The following TCF7L2 variants were observed in gnomAD, a reference collection of about 807,000 sequenced individuals.
TCF7L2 encodes transcription factor 7 like 2.
In TCF7L2, 23 loss-of-function variants were observed where a neutral mutation model predicts 77.9. The ratio of observed to expected loss-of-function variants is 0.30; its 90% CI spans 0.21 to 0.42. The LOEUF is 0.42. Among genes scored for constraint, TCF7L2 ranks in the 10% least tolerant of loss-of-function variants. The pLI is 1.00. For synonymous variants in TCF7L2, 413 were observed against 340.2 expected (o/e 1.21, Z -2.36); for missense variants, 654 against 793.1 (o/e 0.82, Z 2.11).
chr10:112,996,656 C>T (rs1049237186), intron 4 of TCF7L2, among the ~76,000 whole-genome samples: 5 of 152,148 alleles, frequency 3.3e-5, no homozygotes, highest in Admixed American at 1.3e-4. Flanking sequence ...CTGGGATTTC[C>T]GGCCAGTGAT....
chr10:113,002,481 A>G (rs1450374882), intron 4 of TCF7L2, among the ~76,000 whole-genome samples: 2 of 152,108 alleles, frequency 1.3e-5, no homozygotes, highest in African/African-American at 4.8e-5. Flanking sequence ...GCCCCCTGTG[A>G]CAGGAGTCAT....
intron 5 of TCF7L2, among the ~76,000 whole-genome samples, chr10:113,103,078 C>T (rs1262762260): frequency 6.6e-6 from 1 of 152,118 alleles, no homozygotes; most frequent in Non-Finnish European, 1.5e-5. Flanking sequence ...GAAACTGGTG[C>T]AGACTTTTTT....
In TCF7L2 at chr10:113,033,091, GT is replaced by G. The variant is rs200225336; in HGVS notation, c.451-6926del. ...ACTTAAAAGAGTTCCGACTATGTTG[GT>G]TTTTTTTCCCCCAAGTCAACCTTAA... On this transcript the variant is annotated intron_variant, in intron 4 of 13. Coordinates refer to ENST00000627217, the MANE Select transcript of TCF7L2 (RefSeq NM_001146274.2). 9.2e-3 allele frequency among the ~76,000 whole-genome samples: 1,400 copies of G among 151,688 alleles called. 11 individuals carry two copies. Among genetic ancestry groups the G allele is most frequent in the Non-Finnish European group, 0.014 (949 of 67,842 alleles).
chr10:113,153,560 C>T (rs1001025786), intron 11 of TCF7L2, among the ~76,000 whole-genome samples: 4 of 152,188 alleles, frequency 2.6e-5, no homozygotes, highest in Non-Finnish European at 4.4e-5. Flanking sequence ...TTGAGTGAAA[C>T]ATATCATGGC....
At chr10:113,089,471 CA>C (rs2060151529) in intron 5 of TCF7L2, 1 of 1,613,752 alleles carries the variant, frequency 6.2e-7, no homozygotes, top group Non-Finnish European at 8.5e-7. Flanking sequence ...TCACTGTCAG[CA>C]CTCAAGTCTT....
intron 13 of TCF7L2, among the ~76,000 whole-genome samples, chr10:113,163,265 C>G (rs2073482924): frequency 6.6e-6 from 1 of 152,110 alleles, no homozygotes; most frequent in Non-Finnish European, 1.5e-5. Flanking sequence ...TTCTAGCTTG[C>G]CACACAAGGT....
chr10:112,960,741 G>A (rs893137771), intron 3 of TCF7L2, among the ~76,000 whole-genome samples: 2 of 151,472 alleles, frequency 1.3e-5, no homozygotes, highest in Non-Finnish European at 2.9e-5. Context: ...AGGCCGGAGT[G>A]CAGTGGTGCG....
At chr10:113,129,775 A>AG in intron 5 of TCF7L2, 1 of 1,269,504 alleles carries the variant, frequency 7.9e-7, no homozygotes, top group South Asian at 1.3e-5. Flanking sequence ...AAAAGCAGAA[A>AG]GGGAGGAGGA....
chr10:113,140,659 G>A (rs906171000), intron 5 of TCF7L2, among the ~76,000 whole-genome samples: 1 of 152,126 alleles, frequency 6.6e-6, no homozygotes, highest in Non-Finnish European at 1.5e-5. Flanking sequence ...TAGCATGCCC[G>A]CTGTTTCTAA....
chr10:113,124,299 A>G (rs1202803081), intron 5 of TCF7L2, among the ~76,000 whole-genome samples: 1 of 152,164 alleles, frequency 6.6e-6, no homozygotes, highest in Non-Finnish European at 1.5e-5. Flanking sequence ...TCTAATTTAG[A>G]ATGTTCATCT....
intron 5 of TCF7L2, among the ~76,000 whole-genome samples, chr10:113,082,616 T>C (rs111877461): frequency 0.021 from 3,126 of 152,022 alleles, 94 homozygotes; most frequent in African/African-American, 0.07. Context: ...TGTGTGTGTG[T>C]GTGCACGTGC....
chr10:113,139,029 C>T (rs1340355844), intron 5 of TCF7L2, among the ~76,000 whole-genome samples: 2 of 152,200 alleles, frequency 1.3e-5, no homozygotes, highest in African/African-American at 4.8e-5. Flanking sequence ...TCCCGTGGCA[C>T]TTGATCAGTC....
At chr10:112,975,155 G>C (rs932295489) in intron 4 of TCF7L2, among the ~76,000 whole-genome samples, 1 of 152,006 alleles carries the variant, frequency 6.6e-6, no homozygotes, top group South Asian at 2.1e-4. Flanking sequence ...GTAGGTACGT[G>C]TACTATATTA....
intron 5 of TCF7L2, among the ~76,000 whole-genome samples, chr10:113,102,626 G>A (rs1341551215): frequency 1.3e-5 from 2 of 151,900 alleles, no homozygotes; most frequent in Non-Finnish European, 2.9e-5. Flanking sequence ...GGGTTTCACC[G>A]TGTTGGCCAG....
At chr10:113,125,844 A>G (rs2065501548) in intron 5 of TCF7L2, 1 of 152,262 alleles carries the variant, frequency 6.6e-6, no homozygotes, top group South Asian at 2.1e-4. Flanking sequence ...GGCTGCGGAA[A>G]TAATACGATC....
At chr10:113,105,435 T>C (rs17130183) in intron 5 of TCF7L2, among the ~76,000 whole-genome samples, 21,651 of 152,088 alleles carry the variant, frequency 0.14, 1,715 homozygotes, top group African/African-American at 0.18. Flanking sequence ...TCATGTGAAT[T>C]GTCTTGGTAA....
chr10:113,107,751 C>CAAAAAAAAAAAA (rs2062551301), intron 5 of TCF7L2, among the ~76,000 whole-genome samples: 1 of 16,168 alleles, frequency 6.2e-5, no homozygotes, highest in Admixed American at 9.4e-4. Context: ...GAGACTCCGT[C>CAAAAAAAAAAAA]TAAAAAAAAA....
intron 5 of TCF7L2, among the ~76,000 whole-genome samples, chr10:113,130,507 A>G (rs559197105): frequency 3.8e-4 from 58 of 152,292 alleles, no homozygotes; most frequent in African/African-American, 1.3e-3. Context: ...ATTTAATGCT[A>G]ACTTTCTGTT....
chr10:113,156,423 CTT>C (rs2137305837), intron 11 of TCF7L2, among the ~76,000 whole-genome samples: 1 of 152,314 alleles, frequency 6.6e-6, no homozygotes, highest in African/African-American at 2.4e-5. Flanking sequence ...CCTCAAGTTT[CTT>C]TCTGCCTATC....
Sources: allele counts gnomAD v4.1 joint callset (sites outside exome capture counted in the v4.1 genomes callset), GRCh38; gene constraint gnomAD v4.1.1; transcripts MANE v1.5; gene names NCBI Gene and HGNC (gene_info 2026-07-23, HGNC 2026-07-21).